Variants in NELL1 observed in about 807,000 individuals in gnomAD.
The protein encoded by NELL1 is neural EGFL like 1.
Under a neutral mutation model 107.4 loss-of-function variants are expected in NELL1, and 76 were observed. The observed-to-expected ratio is 0.71, with a 90% CI of 0.59 to 0.86. The LOEUF (loss-of-function observed/expected upper bound fraction) is 0.86, where lower values mean the gene tolerates loss of function less well. Among genes scored for constraint, NELL1 ranks in the 40% least tolerant of loss-of-function variants. The pLI is 0.00. For synonymous variants in NELL1, 353 were observed against 341.2 expected, an observed-to-expected ratio of 1.03 and a Z score of -0.38; for missense variants, 1,024 against 1,005.5, an observed-to-expected ratio of 1.02 and a Z score of -0.25.
chr11:21,569,772 A>G (rs1164776856), intron 17 of NELL1, among the ~76,000 whole-genome samples: 1 of 151,822 alleles, frequency 6.6e-6, no homozygotes, highest in Non-Finnish European at 1.5e-5. Flanking sequence ...TTCTCTCCAT[A>G]GTGATGAATC....
At chr11:20,879,241 G>A (rs527584294) in intron 4 of NELL1, among the ~76,000 whole-genome samples, 24 of 152,276 alleles carry the variant, frequency 1.6e-4, no homozygotes, top group African/African-American at 5.3e-4. Flanking sequence ...GGAAGCTACC[G>A]TGTCACATGC....
At chr11:20,891,312 T>C (rs978697534) in intron 5 of NELL1, among the ~76,000 whole-genome samples, 18 of 152,148 alleles carry the variant, frequency 1.2e-4, no homozygotes, top group African/African-American at 4.1e-4. Context: ...AAGCAAATGC[T>C]GAGGGATTTT....
At chr11:20,692,933 G>A (rs1249052528) in intron 2 of NELL1, among the ~76,000 whole-genome samples, 2 of 152,072 alleles carry the variant, frequency 1.3e-5, no homozygotes, top group Non-Finnish European at 2.9e-5. Flanking sequence ...GTCTCTTTGT[G>A]GGTCATTCAG....
intron 1 of NELL1, among the ~76,000 whole-genome samples, chr11:20,674,930 A>C (rs910027267): frequency 5.3e-5 from 8 of 152,202 alleles, no homozygotes; most frequent in Non-Finnish European, 8.8e-5. Flanking sequence ...TTTGTATAAC[A>C]AATAACCCCA....
At chr11:21,123,045 T>C (rs550770105) in intron 13 of NELL1, among the ~76,000 whole-genome samples, 1 of 152,260 alleles carries the variant, frequency 6.6e-6, no homozygotes, top group South Asian at 2.1e-4. Flanking sequence ...AAGCATCAAA[T>C]CCTGACTTAA....
At chr11:21,229,543 G>T in intron 14 of NELL1, 89 bp downstream of exon 14, 2 of 1,552,566 alleles carry the variant, frequency 1.3e-6, no homozygotes, top group Non-Finnish European at 1.8e-6. Flanking sequence ...GGTAACTCTT[G>T]GTGGAACACA....
intron 13 of NELL1, among the ~76,000 whole-genome samples, chr11:21,154,499 CCAGAG>C (rs1856188410): frequency 6.6e-6 from 1 of 152,076 alleles, no homozygotes; most frequent in African/African-American, 2.4e-5. Flanking sequence ...TTATGAGACT[CCAGAG>C]ATGAATAAAC....
rs550348256 is a variant in NELL1 at position 21,468,543 on chromosome 11, G to T, written c.1646-65831G>T. On this transcript the variant is annotated intron_variant, in intron 15 of 19. Coordinates refer to ENST00000357134, the MANE Select transcript of NELL1 (RefSeq NM_006157.5). ...TTAAAAAAAGGTATGAGCATGCCTT[G>T]CCCAATCTCCAATTTGCTTCTACAG... is the stretch of plus-strand genomic sequence containing the variant. Among the ~76,000 whole-genome samples the T allele has an allele frequency of 2.9e-3, 448 of 152,048 alleles. 2 individuals carry two copies. The highest frequency in any genetic ancestry group is 0.01 in the African/African-American group (422 of 41,480).
chr11:20,871,808 A>G (rs1234061026), intron 4 of NELL1, among the ~76,000 whole-genome samples: 1 of 151,824 alleles, frequency 6.6e-6, no homozygotes, highest in Non-Finnish European at 1.5e-5. Flanking sequence ...TCACGAGGTC[A>G]GGAGATCAAA....
chr11:20,993,092 T>A (rs1334860640), intron 12 of NELL1, among the ~76,000 whole-genome samples: 1 of 152,200 alleles, frequency 6.6e-6, no homozygotes, highest in Non-Finnish European at 1.5e-5. Flanking sequence ...CTGTCTAGAA[T>A]GCCATCCTTA....
intron 14 of NELL1, among the ~76,000 whole-genome samples, chr11:21,301,168 A>G (rs2133971835): frequency 6.6e-6 from 1 of 152,290 alleles, no homozygotes; most frequent in East Asian, 1.9e-4. Context: ...AGTTGGTTCC[A>G]AGTCTTTGCT....
chr11:20,702,318 A>G (rs990500012), intron 2 of NELL1, among the ~76,000 whole-genome samples: 67 of 152,174 alleles, frequency 4.4e-4, no homozygotes, highest in African/African-American at 1.5e-3. Flanking sequence ...TTTGTCTGTT[A>G]TTGGTGTATA....
At chr11:21,443,576 T>C (rs1028903957) in intron 15 of NELL1, among the ~76,000 whole-genome samples, 4 of 152,126 alleles carry the variant, frequency 2.6e-5, no homozygotes, top group African/African-American at 9.7e-5. Flanking sequence ...GGGAGTTTAT[T>C]GTTTTTATTA....
At chr11:21,525,395 A>T (rs940640481) in intron 15 of NELL1, among the ~76,000 whole-genome samples, 1 of 152,212 alleles carries the variant, frequency 6.6e-6, no homozygotes, top group African/African-American at 2.4e-5. Context: ...GAGATTGTTC[A>T]TACCTTATTG....
chr11:20,913,857 TGGG>T (rs1263084494), intron 5 of NELL1, among the ~76,000 whole-genome samples: 3 of 120,618 alleles, frequency 2.5e-5, no homozygotes, highest in African/African-American at 9.3e-5. Flanking sequence ...GGCGGGGGGA[TGGG>T]GGGAAGAATA....
intron 2 of NELL1, among the ~76,000 whole-genome samples, chr11:20,742,756 G>A (rs937591280): frequency 5.3e-5 from 8 of 152,078 alleles, no homozygotes; most frequent in African/African-American, 1.9e-4. Flanking sequence ...CATGACATGT[G>A]GGAATTATGG....
intron 2 of NELL1, among the ~76,000 whole-genome samples, chr11:20,682,892 A>T (rs753873643): frequency 6.6e-6 from 1 of 151,974 alleles, no homozygotes; most frequent in Non-Finnish European, 1.5e-5. Flanking sequence ...GTATTTTGAG[A>T]TTTATACATA....
intron 14 of NELL1, among the ~76,000 whole-genome samples, chr11:21,322,961 A>T (rs1210462951): frequency 1.3e-5 from 2 of 152,104 alleles, no homozygotes; most frequent in African/African-American, 4.8e-5. Flanking sequence ...CTTAGGATAG[A>T]AGCACAAGCC....
At chr11:21,359,454 C>G (rs1851021870) in intron 14 of NELL1, among the ~76,000 whole-genome samples, 1 of 152,020 alleles carries the variant, frequency 6.6e-6, no homozygotes, top group South Asian at 2.1e-4. Context: ...GGATATTGTT[C>G]TGCAGTTTTG....
Sources: allele counts gnomAD v4.1 joint callset (sites outside exome capture counted in the v4.1 genomes callset), GRCh38; gene constraint gnomAD v4.1.1; transcripts MANE v1.5; gene names NCBI Gene and HGNC (gene_info 2026-07-23, HGNC 2026-07-21).